DNM3: variants seen among roughly 807,000 people sequenced by gnomAD.
DNM3 encodes the protein dynamin-3.
In DNM3, 47 loss-of-function variants were observed where a neutral mutation model predicts 101.6. The observed-to-expected ratio is 0.46, with a 90% CI of 0.37 to 0.59. The LOEUF is 0.59. Among genes scored for constraint, DNM3 ranks in the 20% least tolerant of loss-of-function variants. DNM3 has a pLI of 0.00. For missense variants in DNM3, 849 were observed against 1,085.7 expected, an observed-to-expected ratio of 0.78 and a Z score of 3.06; for synonymous variants, 385 against 387.9, an observed-to-expected ratio of 0.99 and a Z score of 0.09.
chr1:171,875,745 C>G (rs1160835822), intron 1 of DNM3, among the ~76,000 whole-genome samples: 4 of 149,846 alleles, frequency 2.7e-5, no homozygotes, highest in African/African-American at 9.9e-5. Context: ...TTGTAAAGCA[C>G]TTAGTACAGT....
At chr1:172,281,043 T>A (rs568661569) in intron 15 of DNM3, among the ~76,000 whole-genome samples, 1 of 151,932 alleles carries the variant, frequency 6.6e-6, no homozygotes, top group South Asian at 2.1e-4. Flanking sequence ...AACTGGAAGT[T>A]ATGAAAAACT....
chr1:172,167,541 G>A (rs569451755), intron 14 of DNM3, among the ~76,000 whole-genome samples: 7 of 152,072 alleles, frequency 4.6e-5, no homozygotes. Flanking sequence ...CACCAACAGT[G>A]TAAAAGTGTT....
intron 10 of DNM3, among the ~76,000 whole-genome samples, chr1:172,061,241 C>A (rs1315140899): frequency 1.3e-5 from 2 of 149,306 alleles, no homozygotes; most frequent in Non-Finnish European, 3.0e-5. Flanking sequence ...CACTTTTACA[C>A]TGTTGGTGGG....
chr1:172,142,871 T>A (rs1178797349), intron 14 of DNM3, among the ~76,000 whole-genome samples: 1 of 151,956 alleles, frequency 6.6e-6, no homozygotes, highest in Non-Finnish European at 1.5e-5. Context: ...TAAGTTACTT[T>A]TTTTAGTTTT....
chr1:172,261,193 C>A (rs2062629946), intron 15 of DNM3, among the ~76,000 whole-genome samples: 1 of 149,414 alleles, frequency 6.7e-6, no homozygotes, highest in South Asian at 2.1e-4. Flanking sequence ...GCTTTTTCAT[C>A]TTTCCTGTGT....
intron 15 of DNM3, among the ~76,000 whole-genome samples, chr1:172,268,775 T>G (rs1202540499): frequency 6.6e-6 from 1 of 152,170 alleles, no homozygotes; most frequent in Non-Finnish European, 1.5e-5. Flanking sequence ...TTCTTTATTG[T>G]TTTTCAAATG....
intron 16 of DNM3, among the ~76,000 whole-genome samples, chr1:172,314,293 C>T (rs568677584): frequency 6.6e-6 from 1 of 152,334 alleles, no homozygotes; most frequent in Non-Finnish European, 1.5e-5. Flanking sequence ...CGGTCTACAG[C>T]TCCCAGCGTG....
chr1:172,336,555 T>C (rs908083468), intron 17 of DNM3, among the ~76,000 whole-genome samples: 1 of 150,946 alleles, frequency 6.6e-6, no homozygotes, highest in Non-Finnish European at 1.5e-5. Flanking sequence ...TACTACAAAT[T>C]ATAAAGTTTT....
At chr1:172,213,378 G>A (rs2060577537) in intron 14 of DNM3, among the ~76,000 whole-genome samples, 1 of 152,040 alleles carries the variant, frequency 6.6e-6, no homozygotes, top group Non-Finnish European at 1.5e-5. Flanking sequence ...CATTCCAGGT[G>A]CTGGTAATGT....
At chr1:172,211,995 T>G (rs1224161529) in intron 14 of DNM3, among the ~76,000 whole-genome samples, 2 of 152,126 alleles carry the variant, frequency 1.3e-5, no homozygotes, top group Non-Finnish European at 2.9e-5. Flanking sequence ...GTTCAAGCTC[T>G]TTAATGTTAT....
intron 2 of DNM3, among the ~76,000 whole-genome samples, chr1:171,984,835 C>G (rs533911236): frequency 6.6e-6 from 1 of 152,134 alleles, no homozygotes; most frequent in Admixed American, 6.5e-5. Flanking sequence ...TTGAATCTGT[C>G]TGGGGGACAC....
intron 15 of DNM3, among the ~76,000 whole-genome samples, chr1:172,297,733 G>A (rs1042542853): frequency 6.6e-6 from 1 of 152,040 alleles, no homozygotes; most frequent in Non-Finnish European, 1.5e-5. Flanking sequence ...TTATCTGGGA[G>A]TATGTTTCTC....
intron 1 of DNM3, among the ~76,000 whole-genome samples, chr1:171,842,958 A>C (rs530574054): frequency 6.6e-6 from 1 of 152,356 alleles, no homozygotes; most frequent in South Asian, 2.1e-4. Context: ...CCAAGAAAAA[A>C]TGCTGGCGAG....
At chr1:171,956,853 C>G (rs1482540244) in intron 2 of DNM3, among the ~76,000 whole-genome samples, 1 of 152,164 alleles carries the variant, frequency 6.6e-6, no homozygotes, top group African/African-American at 2.4e-5. Context: ...AGACTCAATA[C>G]CACATGGAAG....
intron 14 of DNM3, among the ~76,000 whole-genome samples, chr1:172,150,577 A>C (rs980073027): frequency 6.6e-6 from 1 of 152,172 alleles, no homozygotes; most frequent in African/African-American, 2.4e-5. Context: ...ATGTGATATA[A>C]TTTAATCCAG....
chr1:172,173,970 A>G (rs2059061175), intron 14 of DNM3, among the ~76,000 whole-genome samples: 1 of 151,682 alleles, frequency 6.6e-6, no homozygotes, highest in South Asian at 2.1e-4. Context: ...CTAGAAATCC[A>G]TAACTCTGGA....
intron 2 of DNM3, among the ~76,000 whole-genome samples, chr1:171,956,496 C>T (rs1399993567): frequency 6.6e-6 from 1 of 152,200 alleles, no homozygotes; most frequent in Non-Finnish European, 1.5e-5. Flanking sequence ...AGCTCTGCCC[C>T]TGTGGCTTTG....
chr1:172,349,084 C>T (rs947763867), intron 17 of DNM3, among the ~76,000 whole-genome samples: 5 of 152,142 alleles, frequency 3.3e-5, no homozygotes, highest in African/African-American at 1.2e-4. Context: ...AGAGACATGT[C>T]CAGGAATATT....
chr1:172,135,307 T>C lies in DNM3; in HGVS notation c.1659+4019T>C, dbSNP rs113443686. Among the ~76,000 whole-genome samples the C allele has an allele frequency of 2.4e-3, 372 of 152,200 alleles. 1 individual carries two copies. Among genetic ancestry groups the C allele is most frequent in the Non-Finnish European group, 4.4e-3 (297 of 68,002 alleles). ...ACTGATAGGAGACACTAACTAAATA[T>C]TGATTGAATGAAGGTGTCATTGAGC... On this transcript the variant is annotated intron_variant, in intron 14 of 20. Coordinates refer to ENST00000627582, the MANE Select transcript of DNM3 (RefSeq NM_015569.5).
Sources: allele counts gnomAD v4.1 joint callset (sites outside exome capture counted in the v4.1 genomes callset), GRCh38; gene constraint gnomAD v4.1.1; transcripts MANE v1.5; gene names NCBI Gene and HGNC (gene_info 2026-07-23, HGNC 2026-07-21).